Variants in TMEM108 observed in about 807,000 individuals in gnomAD.
TMEM108 encodes the protein cancer/testis antigen 124.
Under a neutral mutation model 35.1 loss-of-function variants are expected in TMEM108, and 12 were observed. The observed-to-expected ratio is 0.34, with a 90% CI of 0.22 to 0.55. TMEM108 has a LOEUF of 0.55. TMEM108 is among the 20% of genes least tolerant of loss of function. The pLI, the probability that TMEM108 is intolerant of heterozygous loss-of-function variation, is 0.89. For missense variants in TMEM108, 680 were observed against 753.3 expected, an observed-to-expected ratio of 0.90 and a Z score of 1.14; for synonymous variants, 287 against 308.6, an observed-to-expected ratio of 0.93 and a Z score of 0.73.
chr3:133,280,869 C>T lies in TMEM108; in HGVS notation c.40+51518C>T, dbSNP rs759335867. 2.4e-4 allele frequency among the ~76,000 whole-genome samples: 37 copies of T among 152,294 alleles called. 1 individual carries two copies. The Middle Eastern group carries it at 0.034, about 140-fold the overall frequency. ...ACATGGTTTCACATGGTACAGCAGG[C>T]TAGCTCAAACTTATTCACGTGGAGG... On this transcript the variant is annotated intron_variant, in intron 3 of 5. Transcript: ENST00000321871.
chr3:133,210,135 C>T (rs116179758), intron 2 of TMEM108, among the ~76,000 whole-genome samples: 194 of 152,318 alleles, frequency 1.3e-3, no homozygotes, highest in African/African-American at 4.3e-3. Flanking sequence ...CTCCATCTCT[C>T]GTAAAACTGT....
chr3:133,082,858 C>T lies in TMEM108; in HGVS notation c.-47+36838C>T, dbSNP rs564884445. ...TTATAGAAACAAGGTCTCCCTCTAT[C>T]GTCCAGGCTGGTCTTGAACTCCTGG... On this transcript the variant is annotated intron_variant, in intron 2 of 5. Transcript: ENST00000321871. 2.8e-3 allele frequency among the ~76,000 whole-genome samples: 426 copies of T among 152,176 alleles called. 6 individuals are homozygous for T. The South Asian group carries it at 0.028, about 10-fold the overall frequency.
intron 3 of TMEM108, among the ~76,000 whole-genome samples, chr3:133,257,556 T>G (rs576618050): frequency 1.4e-4 from 21 of 152,354 alleles, no homozygotes; most frequent in African/African-American, 5.1e-4. Flanking sequence ...GTATTGTGTT[T>G]CTCCCTCTAA....
At chr3:133,169,821 C>T (rs1284045640) in intron 2 of TMEM108, among the ~76,000 whole-genome samples, 1 of 152,114 alleles carries the variant, frequency 6.6e-6, no homozygotes, top group Admixed American at 6.5e-5. Context: ...TATCAAATAC[C>T]AGATGGCTGT....
chr3:133,308,738 C>T lies in TMEM108; in HGVS notation c.41-71014C>T, dbSNP rs575870301. Among the ~76,000 whole-genome samples, 11 of 152,230 alleles carry T rather than the reference C, an allele frequency of 7.2e-5. No individual in the cohort carries two copies. In the South Asian group the frequency reaches 8.3e-4, roughly 11 times the overall value. On this transcript the variant is annotated intron_variant, in intron 3 of 5. Transcript: ENST00000321871. ...ACTTGATCGTGGTGGATAAGCTTTT[C>T]GATGTGCTGCTGGATTCGGTTTGCC...
At chr3:133,303,406 A>G (rs1368295139) in intron 3 of TMEM108, 1 of 152,184 alleles carries the variant, frequency 6.6e-6, no homozygotes, top group Admixed American at 6.5e-5. Context: ...TGGATAATGA[A>G]CCTTATCAAG....
intron 3 of TMEM108, among the ~76,000 whole-genome samples, chr3:133,278,703 C>T (rs1326976366): frequency 1.3e-5 from 2 of 152,070 alleles, no homozygotes; most frequent in Non-Finnish European, 2.9e-5. Context: ...ATGTTACCAC[C>T]ATCATATATC....
chr3:133,148,001 A>G (rs922007143), intron 2 of TMEM108, among the ~76,000 whole-genome samples: 1 of 152,342 alleles, frequency 6.6e-6, no homozygotes, highest in African/African-American at 2.4e-5. Context: ...TAGAAATATC[A>G]GTATGAACTC....
intron 4 of TMEM108, among the ~76,000 whole-genome samples, chr3:133,382,206 C>T (rs934121170): frequency 2.0e-5 from 3 of 152,212 alleles, no homozygotes; most frequent in Non-Finnish European, 4.4e-5. Context: ...ACTGCCCCAC[C>T]CTCATATCCC....
At chr3:133,261,652 T>A (rs1946623948) in intron 3 of TMEM108, among the ~76,000 whole-genome samples, 1 of 152,236 alleles carries the variant, frequency 6.6e-6, no homozygotes. Flanking sequence ...ATTGAATATT[T>A]CCATTTTAAG....
At chr3:133,309,389 C>G (rs2071090655) in intron 3 of TMEM108, among the ~76,000 whole-genome samples, 1 of 151,998 alleles carries the variant, frequency 6.6e-6, no homozygotes, top group African/African-American at 2.4e-5. Flanking sequence ...TTAGTTATTT[C>G]TCACCTTCTG....
At chr3:133,271,641 TG>T (rs1946772452) in intron 3 of TMEM108, among the ~76,000 whole-genome samples, 1 of 152,180 alleles carries the variant, frequency 6.6e-6, no homozygotes, top group Non-Finnish European at 1.5e-5. Flanking sequence ...GGAAGTGTCT[TG>T]TTTGCAGGGA....
At chr3:133,121,362 T>C (rs922809944) in intron 2 of TMEM108, among the ~76,000 whole-genome samples, 5 of 152,246 alleles carry the variant, frequency 3.3e-5, no homozygotes, top group African/African-American at 7.2e-5. Flanking sequence ...ATTTGTTTTT[T>C]GCTCCTGTGT....
intron 2 of TMEM108, among the ~76,000 whole-genome samples, chr3:133,064,079 C>T (rs956359874): frequency 7.2e-5 from 11 of 152,080 alleles, no homozygotes; most frequent in Non-Finnish European, 1.5e-4. Flanking sequence ...CAGAAGAAAG[C>T]GGTAATGTCT....
rs934494004 is a variant in TMEM108, at chr3:133,341,554, G to T, written c.41-38198G>T. Among the ~76,000 whole-genome samples the T allele has an allele frequency of 1.3e-5, 2 of 151,720 alleles. 1 individual carries two copies. The highest frequency in any genetic ancestry group is 1.3e-4 in the Admixed American group (2 of 15,216). ...GTAGAAATAGTCCTAAAACATATGT[G>T]GAACTGCAAAGATCTAGAATAGCCA... is the stretch of plus-strand genomic sequence containing the variant. On this transcript the variant is annotated intron_variant, in intron 3 of 5. Coordinates refer to ENST00000321871, the MANE Select transcript of TMEM108 (RefSeq NM_023943.4).
intron 2 of TMEM108, among the ~76,000 whole-genome samples, chr3:133,057,989 C>T (rs1265045110): frequency 2.0e-5 from 3 of 152,064 alleles, no homozygotes; most frequent in Non-Finnish European, 4.4e-5. Flanking sequence ...GGAGAGATAC[C>T]AGGGCCTCTG....
intron 2 of TMEM108, among the ~76,000 whole-genome samples, chr3:133,219,360 G>A (rs888460045): frequency 6.6e-6 from 1 of 151,202 alleles, no homozygotes; most frequent in African/African-American, 2.4e-5. Flanking sequence ...TTTATGCTTT[G>A]GCCTTTATTA....
chr3:133,110,571 G>A (rs1345046536), intron 2 of TMEM108, among the ~76,000 whole-genome samples: 2 of 149,100 alleles, frequency 1.3e-5, no homozygotes, highest in African/African-American at 4.9e-5. Context: ...GAGTTGCTGG[G>A]TGACCTGCAT....
At chr3:133,309,859 C>A (rs1186608657) in intron 3 of TMEM108, among the ~76,000 whole-genome samples, 2 of 151,874 alleles carry the variant, frequency 1.3e-5, no homozygotes, top group Non-Finnish European at 2.9e-5. Flanking sequence ...AGCCGCTACG[C>A]CCGGCTAATT....
Sources: gnomAD v4.1 joint callset for allele counts (sites outside exome capture counted in the v4.1 genomes callset) on GRCh38, gnomAD v4.1.1 for gene constraint, MANE v1.5 for transcripts, NCBI Gene and HGNC (gene_info 2026-07-23, HGNC 2026-07-21) for gene names.